PROKR2: variants seen among roughly 807,000 people sequenced by gnomAD.
PROKR2 encodes the protein G protein-coupled receptor 73-like 1.
PROKR2 carries 26 observed loss-of-function variants against 23.4 expected under a neutral mutation model. The observed-to-expected ratio is 1.11, with a 90% CI of 0.81 to 1.54. The LOEUF is 1.54. PROKR2 is among the 40% of genes most tolerant of loss of function. PROKR2 has a pLI of 0.00. For missense variants in PROKR2, 453 were observed against 511.5 expected, an observed-to-expected ratio of 0.89 and a Z score of 1.10; for synonymous variants, 212 against 201.2, an observed-to-expected ratio of 1.05 and a Z score of -0.45.
intron 2 of PROKR2, among the ~76,000 whole-genome samples, chr20:5,303,117 G>A (rs1331239106): frequency 6.6e-6 from 1 of 152,184 alleles, no homozygotes; most frequent in Non-Finnish European, 1.5e-5. Context: ...TGTATAGTAG[G>A]CGTTCAATAA....
Position 5,314,150 on chromosome 20 carries a change from A to G in PROKR2, c.220T>C (p.Phe74Leu), listed in dbSNP as rs1229245355. Residue 74 changes from phenylalanine to leucine, a missense_variant, in exon 2 of 3, where the codon TTT (phenylalanine) becomes CTT (leucine). Phe to Leu is a conservative substitution (Grantham distance 22). Coordinates refer to ENST00000678254, the MANE Select transcript of PROKR2 (RefSeq NM_144773.4). Reference sequence around the variant, plus strand: ...TTATAGCGGGTGAGGGCAGCGATAAAGACAAAGTTACCGATGCCGCAGACC... The same window carrying G: ...TTATAGCGGGTGAGGGCAGCGATAAGGACAAAGTTACCGATGCCGCAGACC... ...MLVCGIGNFV[F>L]IAALTRYKKL... is the part of the protein sequence containing the mutation. The G allele has an allele frequency of 1.9e-6, 3 of 1,614,076 alleles. No homozygotes were observed. Among genetic ancestry groups the G allele is most frequent in the Non-Finnish European group, 2.5e-6 (3 of 1,180,022 alleles).
intron 2 of PROKR2, among the ~76,000 whole-genome samples, chr20:5,313,447 AT>A: frequency 6.6e-6 from 1 of 152,322 alleles, no homozygotes; most frequent in Admixed American, 6.5e-5. Context: ...TAGAAATCAG[AT>A]TGGTGGTTGC....
Position 5,314,092 on chromosome 20 carries a change from G to A in PROKR2, c.278C>T (p.Ala93Val), listed in dbSNP as rs1979552841. ...CAGGAAGTCGGAGATGGCCAGGTTG[G>A]CAATGAGCAGATTGGTGAGGTTGCG... is the stretch of plus-strand genomic sequence containing the variant. ...KLRNLTNLLI[A>V]NLAISDFLVA... The change falls in exon 2 of 3, where the codon GCC (alanine) becomes GTC (valine). Residue 93 changes from alanine (A) to valine (V), a missense_variant. Coordinates refer to ENST00000678254, the MANE Select transcript of PROKR2 (RefSeq NM_144773.4). 30 of 1,614,234 alleles carry A rather than the reference G, an allele frequency of 1.9e-5. No individual in the cohort carries two copies. The highest frequency in any genetic ancestry group is 2.5e-5 in the Non-Finnish European group (29 of 1,180,046).
rs1360362791 is a variant in PROKR2, at chr20:5,302,307, G to C, written c.888C>G (p.Ile296Met). The change falls in exon 3 of 3, where the codon ATC (isoleucine) becomes ATG (methionine). Residue 296 changes from isoleucine (I) to methionine (M), a missense_variant. Physicochemically the swap from Ile to Met is conservative, Grantham distance 10. Transcript: ENST00000678254. ...LCWAPFYGFT[I>M]VRDFFPTVFV... ...ACACAGTGGGGAAGAAGTCACGAAC[G>C]ATGGTGAAACCGTAGAAGGGTGCCC... is the stretch of plus-strand genomic sequence containing the variant. 2 of 1,614,266 alleles carry C rather than the reference G, an allele frequency of 1.2e-6. No individual in the cohort carries two copies. Among genetic ancestry groups the C allele is most frequent in the African/African-American group, 1.3e-5 (1 of 75,060 alleles).
chr20:5,314,316 T>C lies in PROKR2; in HGVS notation c.54A>G (p.Gln18=). The C allele has an allele frequency of 3.1e-6, 5 of 1,614,118 alleles. No individual in the cohort carries two copies. Among genetic ancestry groups the C allele is most frequent in the Non-Finnish European group, 4.2e-6 (5 of 1,180,012 alleles). ...TAAAGGAGAGGGAGGAGGCATGGTC[T>C]TGGGGTGGATTAAAGTTGGGTGTGA... ...TSFTPNFNPP[Q]DHASSLSFNF... The change falls in exon 2 of 3, where the codon CAA becomes CAG. Residue 18 remains glutamine, a synonymous_variant. Transcript: ENST00000678254.
Position 5,314,228 on chromosome 20 carries a change from TC to T in PROKR2, c.141del (p.Thr48ProfsTer114). The T allele has an allele frequency of 1.2e-6, 2 of 1,614,128 alleles. No individual in the cohort carries two copies. Among genetic ancestry groups the T allele is most frequent in the South Asian group, 2.2e-5 (2 of 91,080 alleles). On this transcript the variant is annotated frameshift_variant, in exon 2 of 3. Coordinates refer to ENST00000678254, the MANE Select transcript of PROKR2 (RefSeq NM_144773.4). LOFTEE classifies it high-confidence loss of function. The part of the protein sequence containing the change: ...MDEDEDMTKT[R>X]TFFAAKIVIG... The stretch of plus-strand genomic sequence containing the variant: ...ATGACGATCTTGGCTGCGAAGAAGG[TC>T]CGGGTCTTGGTCATGTCCTCATCCT...
At chr20:5,305,539 G>T (rs1979186358) in intron 2 of PROKR2, among the ~76,000 whole-genome samples, 1 of 152,194 alleles carries the variant, frequency 6.6e-6, no homozygotes, top group African/African-American at 2.4e-5. Context: ...GTCTGGCACA[G>T]CTCCTGATTG....
Position 5,301,209 on chromosome 20 carries a change from T to C in PROKR2, c.*831A>G, listed in dbSNP as rs966556106. Among the ~76,000 whole-genome samples, 1 of 150,494 alleles carries C rather than the reference T, an allele frequency of 6.6e-6. No individual in the cohort carries two copies. Among genetic ancestry groups the C allele is most frequent in the Admixed American group, 6.6e-5 (1 of 15,084 alleles). On this transcript the variant is annotated 3_prime_UTR_variant, in exon 3 of 3. Coordinates refer to ENST00000678254, the MANE Select transcript of PROKR2 (RefSeq NM_144773.4). ...AGTCTTCTTCTATAGCCGTTGGTTG[T>C]TGTTGTTGTTGTTTTGTTGTTTGTT...
intron 2 of PROKR2, among the ~76,000 whole-genome samples, chr20:5,309,104 C>T (rs1007573917): frequency 6.6e-6 from 1 of 152,218 alleles, no homozygotes; most frequent in African/African-American, 2.4e-5. Context: ...GACCTGCCTG[C>T]ATGGTACAAG....
At position 5,299,577 on chromosome 20, in the gene PROKR2, T is replaced by A. The variant is rs1326162954; in HGVS notation, c.*2463A>T. Reference sequence around the variant, plus strand: ...CCAAGCAAGTAAGAATTTTTGTAAATCAGAATTAACAGTTTTGCTTAGGCT... The same window carrying A: ...CCAAGCAAGTAAGAATTTTTGTAAAACAGAATTAACAGTTTTGCTTAGGCT... On this transcript the variant is annotated 3_prime_UTR_variant, in exon 3 of 3. Coordinates refer to ENST00000678254, the MANE Select transcript of PROKR2 (RefSeq NM_144773.4). Among the ~76,000 whole-genome samples, 1 of 151,858 alleles carries A rather than the reference T, an allele frequency of 6.6e-6. No homozygotes were observed. The highest frequency in any genetic ancestry group is 1.5e-5 in the Non-Finnish European group (1 of 67,970).
intron 2 of PROKR2, among the ~76,000 whole-genome samples, 188 bp from the exon 3 acceptor site, chr20:5,302,924 A>G (rs1009753425): frequency 6.6e-6 from 1 of 152,220 alleles, no homozygotes; most frequent in African/African-American, 2.4e-5. Context: ...TGAAAACAGC[A>G]CAGGCTTTGG....
At chr20:5,315,241 A>C (rs1979621620) in intron 1 of PROKR2, among the ~76,000 whole-genome samples, 1 of 147,300 alleles carries the variant, frequency 6.8e-6, no homozygotes, top group Non-Finnish European at 1.5e-5. Flanking sequence ...TCCAGAAAGA[A>C]ATCCTCTGCC....
chr20:5,300,440 G>A lies in PROKR2; in HGVS notation c.*1600C>T, dbSNP rs1343989516. Among the ~76,000 whole-genome samples the A allele has an allele frequency of 1.3e-5, 2 of 152,162 alleles. No homozygotes were observed. Among genetic ancestry groups the A allele is most frequent in the Non-Finnish European group, 2.9e-5 (2 of 68,036 alleles). ...CCAAAGAACAGGGATGAAAAAGTGTGGGTATTTCTCTAATAAATCACAGTG... is the reference window on the plus strand; with the variant it reads ...CCAAAGAACAGGGATGAAAAAGTGTAGGTATTTCTCTAATAAATCACAGTG... On this transcript the variant is annotated 3_prime_UTR_variant, in exon 3 of 3. Coordinates refer to ENST00000678254, the MANE Select transcript of PROKR2 (RefSeq NM_144773.4).
chr20:5,314,244 G>GTCCTCA lies in PROKR2; in HGVS notation c.120_125dup (p.Glu41_Asp42dup), dbSNP rs746909168. 4.7e-5 allele frequency: 76 copies of GTCCTCA among 1,614,188 alleles called. 1 individual carries two copies. The East Asian group carries it at 1.6e-3, about 35-fold the overall frequency. On this transcript the variant is annotated inframe_insertion, in exon 2 of 3. Transcript: ENST00000678254. ...CGAAGAAGGTCCGGGTCTTGGTCAT[G>GTCCTCA]TCCTCATCCTCATCCATAGGGAGGT...
At chr20:5,315,209 TC>T (rs1422980793) in intron 1 of PROKR2, among the ~76,000 whole-genome samples, 1 of 149,548 alleles carries the variant, frequency 6.7e-6, no homozygotes, top group Middle Eastern at 3.2e-3. Context: ...CCCCTGCTGC[TC>T]CCCGTTCTGT....
Position 5,301,913 on chromosome 20 carries a change from A to C in PROKR2, c.*127T>G, listed in dbSNP as rs3746680. ...TGTATGTTACGACTTTGCAGCATTC[A>C]GCTTCTTGAGGGCACGGGGGAGGCA... is the stretch of plus-strand genomic sequence containing the variant. On this transcript the variant is annotated 3_prime_UTR_variant, in exon 3 of 3. Transcript: ENST00000678254. The C allele has an allele frequency of 1.2e-6, 1 of 801,824 alleles. No individual in the cohort carries two copies. The allele number at this position is 801,824 out of a possible 1,614,324, so 49.7% of individuals were successfully genotyped here. A position where few individuals can be genotyped will look rare whatever the true frequency, so the allele number is the denominator to read the frequency against.
rs1555789443 is a variant in PROKR2, at chr20:5,301,204, G to GGTGGTT, written c.*835_*836insAACCAC. Among the ~76,000 whole-genome samples, 7 of 151,426 alleles carry GGTGGTT rather than the reference G, an allele frequency of 4.6e-5. No individual in the cohort carries two copies. Among genetic ancestry groups the GGTGGTT allele is most frequent in the East Asian group, 1.9e-4 (1 of 5,138 alleles). ...CTAAGAGTCTTCTTCTATAGCCGTT[G>GGTGGTT]GTTGTTGTTGTTGTTGTTTTGTTGT... On this transcript the variant is annotated 3_prime_UTR_variant, in exon 3 of 3. Transcript: ENST00000678254.
chr20:5,305,561 GA>G (rs1645382757), intron 2 of PROKR2, among the ~76,000 whole-genome samples: 1 of 152,180 alleles, frequency 6.6e-6, no homozygotes, highest in Admixed American at 6.5e-5. Flanking sequence ...GCCGTATGTG[GA>G]AATGGGGAAA....
At chr20:5,304,086 A>G (rs576524129) in intron 2 of PROKR2, among the ~76,000 whole-genome samples, 10 of 152,286 alleles carry the variant, frequency 6.6e-5, no homozygotes, top group African/African-American at 2.2e-4. Flanking sequence ...TATTTTGAAG[A>G]AAAAGACCCT....
Sources: allele counts gnomAD v4.1 joint callset (sites outside exome capture counted in the v4.1 genomes callset), GRCh38; gene constraint gnomAD v4.1.1; transcripts MANE v1.5; gene names NCBI Gene and HGNC (gene_info 2026-07-23, HGNC 2026-07-21).